SIM1: variants seen among roughly 807,000 people sequenced by gnomAD.
SIM1 encodes single-minded homolog 1.
SIM1 carries 18 observed loss-of-function variants against 78.2 expected under a neutral mutation model. That is an observed-to-expected ratio of 0.23 (90% CI 0.16 to 0.34). SIM1 has a LOEUF of 0.34. Among genes scored for constraint, SIM1 ranks in the 10% least tolerant of loss-of-function variants. The pLI, the probability that SIM1 is intolerant of heterozygous loss-of-function variation, is 1.00. For missense variants in SIM1, 939 were observed against 975.1 expected (o/e 0.96, Z 0.49); for synonymous variants, 417 against 385.2 (o/e 1.08, Z -0.97).
chr6:100,412,577 A>G (rs1243898567), intron 10 of SIM1, among the ~76,000 whole-genome samples: 2 of 112,606 alleles, frequency 1.8e-5, no homozygotes, highest in Admixed American at 1.0e-4. Context: ...GAAAGAAAGA[A>G]AGAAAGAAAG....
Position 100,420,949 on chromosome 6 carries a change from T to G in SIM1, c.1008A>C (p.Glu336Asp). The G allele has an allele frequency of 6.2e-7, 1 of 1,613,514 alleles. No homozygotes were observed. Among genetic ancestry groups the G allele is most frequent in the African/African-American group, 1.3e-5 (1 of 74,998 alleles). The part of the protein sequence containing the change: ...VSVNYVLTDT[E>D]YKGLQLSLDQ... ...CCAGGGAGAGCTGCAGCCCTTTGTA[T>G]TCTGTGTCTCTGCAGGGTGGGAGGA... The change falls in exon 10 of 12, where the codon GAA (glutamate) becomes GAC (aspartate). Residue 336 changes from glutamate (E) to aspartate (D), a missense_variant. Transcript: ENST00000369208.
chr6:100,434,532 A>G (rs1771991254), intron 9 of SIM1, among the ~76,000 whole-genome samples: 1 of 152,250 alleles, frequency 6.6e-6, no homozygotes, highest in Admixed American at 6.5e-5. Flanking sequence ...AGAACACGTT[A>G]TAGTCATTAC....
In SIM1 at chr6:100,412,749, A is replaced by AAG. The variant is rs1207219820; in HGVS notation, c.1167+8039_1167+8040dup. On this transcript the variant is annotated intron_variant, in intron 10 of 11. Transcript: ENST00000369208. Reference sequence around the variant, plus strand: ...AAAGAAAGAAAGAAAGAAAGAAAGAAAGAAAAAAGAAAAGAAAAAGAAAGG... The same window carrying AAG: ...AAAGAAAGAAAGAAAGAAAGAAAGAAAGAGAAAAAAGAAAAGAAAAAGAAAGG... Among the ~76,000 whole-genome samples the AAG allele has an allele frequency of 4.2e-5, 6 of 144,544 alleles. No individual in the cohort carries two copies. The East Asian group carries it at 1.3e-3, about 31-fold the overall frequency. 94.8% of individuals were successfully genotyped at this position (144,544 alleles called of 152,430 possible). A position where few individuals can be genotyped will look rare whatever the true frequency, so the allele number is the denominator to read the frequency against.
At position 100,394,129 on chromosome 6, in the gene SIM1, G is replaced by T. The variant is rs893530863; in HGVS notation, c.1168-240C>A. ...TTGGTTGATGAAAGCAGGAGATAAA[G>T]ATAATAATGGCAACCATCGACTGAA... On this transcript the variant is annotated intron_variant, in intron 10 of 11. Coordinates refer to ENST00000369208, the MANE Select transcript of SIM1 (RefSeq NM_005068.3). The T allele has an allele frequency of 7.1e-6, 3 of 421,118 alleles. No individual in the cohort carries two copies. The Admixed American group carries it at 1.3e-4, about 18-fold the overall frequency. The allele number at this position is 421,118 out of a possible 1,614,324, so 26.1% of individuals were successfully genotyped here. A position where few individuals can be genotyped will look rare whatever the true frequency, so the allele number is the denominator to read the frequency against.
chr6:100,448,828 C>T (rs1772433867), intron 6 of SIM1, 150 bp from the exon 7 acceptor site: 2 of 681,448 alleles, frequency 2.9e-6, no homozygotes, highest in East Asian at 5.5e-5. Context: ...GTTACTGGTG[C>T]TCTAAGGTGT....
intron 11 of SIM1, among the ~76,000 whole-genome samples, chr6:100,392,832 G>A (rs565556738): frequency 2.6e-5 from 4 of 152,272 alleles, no homozygotes; most frequent in Admixed American, 6.5e-5. Flanking sequence ...AATGAACAAA[G>A]GGAAGCATTA....
intron 3 of SIM1, 29 bp from the exon 4 acceptor site, chr6:100,450,385 G>C: frequency 6.3e-7 from 1 of 1,596,088 alleles, no homozygotes; most frequent in Non-Finnish European, 8.6e-7. Context: ...AGAGAATAGA[G>C]AGCCCTCTGG....
chr6:100,459,441 ACTT>A (rs1471776440), intron 2 of SIM1, among the ~76,000 whole-genome samples: 12 of 152,306 alleles, frequency 7.9e-5, no homozygotes, highest in Non-Finnish European at 1.5e-4. Context: ...AATGAGAAAA[ACTT>A]CTGTAAGAAA....
intron 2 of SIM1, among the ~76,000 whole-genome samples, chr6:100,457,952 T>G (rs1772715829): frequency 6.6e-6 from 1 of 151,930 alleles, no homozygotes; most frequent in Non-Finnish European, 1.5e-5. Flanking sequence ...TCCACTAATG[T>G]TACTGTAAAT....
chr6:100,463,630 A>G lies in SIM1; in HGVS notation c.-162T>C. 1 of 629,578 alleles carries G rather than the reference A, an allele frequency of 1.6e-6. No homozygotes were observed. Among genetic ancestry groups the G allele is most frequent in the Non-Finnish European group, 2.7e-6 (1 of 367,518 alleles). The allele number at this position is 629,578 out of a possible 1,614,324, so 39.0% of individuals were successfully genotyped here. ...CCAAGAACAGTGTATTGATGGCAGT[A>G]AAAGACCAGCGGGGGTGAACGGAAA... On this transcript the variant is annotated 5_prime_UTR_variant, in exon 2 of 12. Transcript: ENST00000369208.
chr6:100,452,900 T>G (rs565713645), intron 3 of SIM1, among the ~76,000 whole-genome samples: 2 of 152,204 alleles, frequency 1.3e-5, no homozygotes, highest in Admixed American at 6.5e-5. Flanking sequence ...GAAAAGGAGC[T>G]CCTGTCAAGA....
At position 100,451,823 on chromosome 6, in the gene SIM1, T is replaced by A. The variant is rs1772518655; in HGVS notation, c.259-1467A>T. Among the ~76,000 whole-genome samples the A allele has an allele frequency of 3.3e-5, 5 of 152,298 alleles. No individual in the cohort carries two copies. The East Asian group carries it at 9.6e-4, about 29-fold the overall frequency. On this transcript the variant is annotated intron_variant, in intron 3 of 11. Transcript: ENST00000369208. ...TGAGTAGAATTCTGGGGGAGGGAGA[T>A]AATGCCTCCTTGTTTTGGAGATGCT...
At chr6:100,459,533 C>T (rs1772780733) in intron 2 of SIM1, among the ~76,000 whole-genome samples, 1 of 152,168 alleles carries the variant, frequency 6.6e-6, no homozygotes, top group Admixed American at 6.5e-5. Flanking sequence ...CCACGTGGGA[C>T]ATGGGGCCTC....
At chr6:100,401,841 G>A (rs1190167511) in intron 10 of SIM1, among the ~76,000 whole-genome samples, 1 of 152,098 alleles carries the variant, frequency 6.6e-6, no homozygotes, top group Non-Finnish European at 1.5e-5. Context: ...TTTTAATAAA[G>A]CTATAATTTA....
intron 2 of SIM1, among the ~76,000 whole-genome samples, chr6:100,456,178 C>A (rs1772650917): frequency 6.6e-6 from 1 of 152,106 alleles, no homozygotes; most frequent in Non-Finnish European, 1.5e-5. Context: ...CGTCTACCTG[C>A]CGGGCTTTCC....
intron 7 of SIM1, 74 bp from the exon 8 acceptor site, chr6:100,448,326 C>A: frequency 7.3e-7 from 1 of 1,372,480 alleles, no homozygotes; most frequent in Non-Finnish European, 1.0e-6. Flanking sequence ...CCCTCGACAG[C>A]CGTCTGACAC....
intron 9 of SIM1, among the ~76,000 whole-genome samples, chr6:100,441,183 T>C (rs1010120359): frequency 2.6e-5 from 4 of 152,280 alleles, no homozygotes; most frequent in South Asian, 4.1e-4. Flanking sequence ...ATCAGTGTCC[T>C]TCAGGTCAGA....
Position 100,393,631 on chromosome 6 carries a change from T to C in SIM1, c.1426A>G (p.Arg476Gly), listed in dbSNP as rs1770696286. Reference sequence around the variant, plus strand: ...GCCTGCGGCGTTCCCAGGAAGTACCTGCCTGCCTCACATCGGCCTCCTTCA... The same window carrying C: ...GCCTGCGGCGTTCCCAGGAAGTACCCGCCTGCCTCACATCGGCCTCCTTCA... ...ACEGGRCEAG[R>G]YFLGTPQAGR... is the part of the protein sequence containing the mutation. The change falls in exon 11 of 12, where the codon AGG becomes GGG. Residue 476 changes from arginine (R) to glycine (G), a missense_variant. Arg to Gly is a moderately radical substitution (Grantham distance 125). Transcript: ENST00000369208. 6.2e-7 allele frequency: 1 copy of C among 1,614,040 alleles called. No individual in the cohort carries two copies. The highest frequency in any genetic ancestry group is 1.7e-5 in the Admixed American group (1 of 60,016).
At chr6:100,413,579 T>C (rs571035080) in intron 10 of SIM1, among the ~76,000 whole-genome samples, 1 of 152,212 alleles carries the variant, frequency 6.6e-6, no homozygotes, top group African/African-American at 2.4e-5. Flanking sequence ...TTTGTGAGAT[T>C]TGTCATCTTT....
Sources: allele counts gnomAD v4.1 joint callset (sites outside exome capture counted in the v4.1 genomes callset), GRCh38; gene constraint gnomAD v4.1.1; transcripts MANE v1.5; gene names NCBI Gene and HGNC (gene_info 2026-07-23, HGNC 2026-07-21).